PELI3: variants seen among roughly 807,000 people sequenced by gnomAD.
PELI3 encodes pellino E3 ubiquitin protein ligase family member 3.
A neutral mutation model predicts 35.5 loss-of-function variants in PELI3; 19 were observed. The ratio of observed to expected loss-of-function variants is 0.54; its 90% CI spans 0.37 to 0.79. The LOEUF is 0.79. Among genes scored for constraint, PELI3 ranks in the 30% least tolerant of loss-of-function variants. PELI3 has a pLI of 0.00. For synonymous variants in PELI3, 262 were observed against 279.2 expected, an observed-to-expected ratio of 0.94 and a Z score of 0.62; for missense variants, 490 against 661.2, an observed-to-expected ratio of 0.74 and a Z score of 2.84.
At chr11:66,475,545 G>T in intron 7 of PELI3, 53 bp from the exon 8 acceptor site, 1 of 1,583,590 alleles carries the variant, frequency 6.3e-7, no homozygotes, top group African/African-American at 1.4e-5. Flanking sequence ...GGATGGACCC[G>T]CGGCTCAGCA....
chr11:66,474,756 G>A (rs755875226), intron 7 of PELI3: 3 of 151,504 alleles, frequency 2.0e-5, no homozygotes, highest in Non-Finnish European at 4.4e-5. Flanking sequence ...TTGAGATGGA[G>A]TCTCACTCTA....
chr11:66,472,580 G>T, intron 5 of PELI3, 110 bp downstream of exon 5: 1 of 847,568 alleles, frequency 1.2e-6, no homozygotes, highest in Non-Finnish European at 1.9e-6. Context: ...CTTCTCTCCA[G>T]ACGAGGAAGC....
In PELI3 at chr11:66,473,985, C is replaced by A; in HGVS notation, c.840+60C>A. 1 of 1,590,746 alleles carries A rather than the reference C, an allele frequency of 6.3e-7. No individual in the cohort carries two copies. The highest frequency in any genetic ancestry group is 8.5e-7 in the Non-Finnish European group (1 of 1,170,086). Reference sequence around the variant, plus strand: ...TGCCAGGCCCTCACAAGCTGCCCATCCCCCTGCCCAAGCCAGGAGATGATC... The same window carrying A: ...TGCCAGGCCCTCACAAGCTGCCCATACCCCTGCCCAAGCCAGGAGATGATC... On this transcript the variant is annotated intron_variant, in intron 7 of 7. Coordinates refer to ENST00000320740, the MANE Select transcript of PELI3 (RefSeq NM_145065.3). The surrounding 1 kb of genome is among the most constrained non-coding windows in gnomAD (Gnocchi z 5.8).
intron 7 of PELI3, chr11:66,474,592 G>A (rs142013351): frequency 0.015 from 2,371 of 155,494 alleles, 21 homozygotes; most frequent in Non-Finnish European, 0.023. Context: ...TTTCCAGAGC[G>A]TCAACTCTGT....
intron 3 of PELI3, among the ~76,000 whole-genome samples, chr11:66,470,136 A>T (rs926653901): frequency 5.3e-5 from 8 of 152,126 alleles, no homozygotes; most frequent in Non-Finnish European, 1.5e-5. Flanking sequence ...GAAGATTCTG[A>T]TTCAAGTGGC....
chr11:66,473,506 C>A lies in PELI3; in HGVS notation c.651+71C>A. 6.7e-7 allele frequency: 1 copy of A among 1,493,446 alleles called. No individual in the cohort carries two copies. Among genetic ancestry groups the A allele is most frequent in the Non-Finnish European group, 9.0e-7 (1 of 1,109,272 alleles). 92.5% of individuals were successfully genotyped at this position (1,493,446 alleles called of 1,614,324 possible). On this transcript the variant is annotated intron_variant, in intron 6 of 7. Coordinates refer to ENST00000320740, the MANE Select transcript of PELI3 (RefSeq NM_145065.3). This position sits in a 1 kb window ranked among gnomAD's most constrained non-coding sequence, Gnocchi z 5.8. The stretch of plus-strand genomic sequence containing the variant: ...GGGGTAGGCTTGGGAGGTGCAGCAT[C>A]TTGAGGTGATGAACCAGCCCACAGT...
intron 7 of PELI3, 70 bp from the exon 8 acceptor site, chr11:66,475,528 C>T: frequency 6.5e-7 from 1 of 1,539,312 alleles, no homozygotes; most frequent in Non-Finnish European, 8.9e-7. Context: ...TCCAGGGAGG[C>T]TCTGTGGGAT....
rs770127451 is a variant in PELI3, at chr11:66,475,724, C to A, written c.967C>A (p.Gln323Lys). ...ACTGAAGCAACTGGAGGCCCAGCGG[C>A]AGGAGGCAAATGCAGCGCGGCCCCA... ...PTLKQLEAQR[Q>K]EANAARPQCP... The change falls in exon 8 of 8, where the codon CAG becomes AAG. Residue 323 changes from glutamine (Q) to lysine (K), a missense_variant. Gln to Lys is a moderately conservative substitution (Grantham distance 53). Transcript: ENST00000320740. The A allele has an allele frequency of 6.2e-7, 1 of 1,612,082 alleles. No homozygotes were observed.
intron 4 of PELI3, among the ~76,000 whole-genome samples, chr11:66,471,886 A>G (rs1302474334): frequency 6.6e-6 from 1 of 151,984 alleles, no homozygotes; most frequent in East Asian, 1.9e-4. Flanking sequence ...TTGAAACGGA[A>G]TCTCGTTCTG....
In PELI3 at chr11:66,467,946, C is replaced by G. The variant is rs1230558202; in HGVS notation, c.-1-182C>G. Among the ~76,000 whole-genome samples the G allele has an allele frequency of 3.9e-5, 6 of 152,262 alleles. No individual in the cohort carries two copies. The highest frequency in any genetic ancestry group is 1.4e-4 in the African/African-American group (6 of 41,474). On this transcript the variant is annotated intron_variant, in intron 1 of 7. Coordinates refer to ENST00000320740, the MANE Select transcript of PELI3 (RefSeq NM_145065.3). This position sits in a 1 kb window ranked among gnomAD's most constrained non-coding sequence, Gnocchi z 4.2. ...ACTCTCTTCACTGTGCCACCCCTCC[C>G]TGGTATCCCAGCAACCTCGGGCAGT...
At chr11:66,468,502 T>C (rs958594585) in intron 2 of PELI3, among the ~76,000 whole-genome samples, 3 of 152,218 alleles carry the variant, frequency 2.0e-5, no homozygotes, top group African/African-American at 4.8e-5. Flanking sequence ...ACCACCCAAC[T>C]TCCTGATCAG....
chr11:66,475,502 C>A, intron 7 of PELI3, 96 bp from the exon 8 acceptor site: 2 of 1,390,950 alleles, frequency 1.4e-6, no homozygotes, highest in Non-Finnish European at 2.0e-6. Flanking sequence ...CCTGCCCTGC[C>A]CGCCAGGGTG....
At position 66,473,116 on chromosome 11, in the gene PELI3, A is replaced by T; in HGVS notation, c.457-125A>T. On this transcript the variant is annotated intron_variant, in intron 5 of 7. Coordinates refer to ENST00000320740, the MANE Select transcript of PELI3 (RefSeq NM_145065.3). This position sits in a 1 kb window ranked among gnomAD's most constrained non-coding sequence, Gnocchi z 5.8. ...ATGGAGTTGGTGCTGCCCCTTCTCC[A>T]GGGCCTGGCAGCCTCCTTTTTTGGT... The T allele has an allele frequency of 1.0e-6, 1 of 973,582 alleles. No homozygotes were observed. The highest frequency in any genetic ancestry group is 1.5e-6 in the Non-Finnish European group (1 of 687,638). 60.3% of individuals were successfully genotyped at this position (973,582 alleles called of 1,614,324 possible). A position where few individuals can be genotyped will look rare whatever the true frequency, so the allele number is the denominator to read the frequency against.
intron 3 of PELI3, 50 bp from the exon 4 acceptor site, chr11:66,471,190 CTT>C: frequency 2.6e-6 from 4 of 1,555,422 alleles, no homozygotes; most frequent in Non-Finnish European, 3.5e-6. Flanking sequence ...CACTTTCTCT[CTT>C]TCTCTCTCTC....
intron 7 of PELI3, chr11:66,475,055 A>C (rs567312569): frequency 6.4e-6 from 1 of 155,792 alleles, no homozygotes; most frequent in East Asian, 1.9e-4. Context: ...AATCTTCACA[A>C]GAACCACTTG....
At chr11:66,471,876 T>C (rs1243223485) in intron 4 of PELI3, among the ~76,000 whole-genome samples, 1 of 152,134 alleles carries the variant, frequency 6.6e-6, no homozygotes, top group Non-Finnish European at 1.5e-5. Flanking sequence ...CTTTTTATTT[T>C]TGAAACGGAA....
At chr11:66,468,389 C>T in intron 2 of PELI3, 109 bp downstream of exon 2, 3 of 1,097,196 alleles carry the variant, frequency 2.7e-6, no homozygotes, top group Non-Finnish European at 3.6e-6. Context: ...GCTGTTTGTC[C>T]CTCCTCACCT....
At position 66,473,196 on chromosome 11, in the gene PELI3, C is replaced by G. The variant is rs771077709; in HGVS notation, c.457-45C>G. On this transcript the variant is annotated intron_variant, in intron 5 of 7. Coordinates refer to ENST00000320740, the MANE Select transcript of PELI3 (RefSeq NM_145065.3). This position sits in a 1 kb window ranked among gnomAD's most constrained non-coding sequence, Gnocchi z 5.8. ...TCTGGGAGGGAAGGCCCATGAGAGTCCCCTATGTACATACAGTCCCTGCTT... is the reference window on the plus strand; with the variant it reads ...TCTGGGAGGGAAGGCCCATGAGAGTGCCCTATGTACATACAGTCCCTGCTT... 1.3e-6 allele frequency: 2 copies of G among 1,528,046 alleles called. No individual in the cohort carries two copies. Among genetic ancestry groups the G allele is most frequent in the East Asian group, 2.3e-5 (1 of 44,012 alleles). The allele number at this position is 1,528,046 out of a possible 1,614,324, so 94.7% of individuals were successfully genotyped here.
rs116062588 is a variant in PELI3, at chr11:66,475,903, C to T, written c.1146C>T (p.Arg382=). ...GCRRERGPQE[R]ECPLCRLVGP... is the part of the protein sequence containing the mutation. Reference sequence around the variant, plus strand: ...GGCGGGAGCGGGGCCCCCAGGAGCGCGAATGTCCTCTCTGCCGCCTTGTGG... The same window carrying T: ...GGCGGGAGCGGGGCCCCCAGGAGCGTGAATGTCCTCTCTGCCGCCTTGTGG... The change falls in exon 8 of 8, where the codon CGC becomes CGT. Residue 382 remains arginine, a synonymous_variant. Coordinates refer to ENST00000320740, the MANE Select transcript of PELI3 (RefSeq NM_145065.3). 7.1e-4 allele frequency: 1,149 copies of T among 1,609,110 alleles called. 6 individuals are homozygous for T. The African/African-American group carries it at 0.012, about 17-fold the overall frequency.
Sources: gnomAD v4.1 joint callset for allele counts (sites outside exome capture counted in the v4.1 genomes callset) on GRCh38, gnomAD v4.1.1 for gene constraint, Gnocchi (gnomAD v3.1) non-coding constraint, MANE v1.5 for transcripts, NCBI Gene and HGNC (gene_info 2026-07-23, HGNC 2026-07-21) for gene names.